RBFOX2: variants seen among roughly 807,000 people sequenced by gnomAD.
The protein encoded by RBFOX2 is RNA binding protein fox-1 homolog 2.
In RBFOX2, 10 loss-of-function variants were observed where a neutral mutation model predicts 49.1. The observed-to-expected ratio is 0.20, with a 90% CI of 0.13 to 0.35. The LOEUF (loss-of-function observed/expected upper bound fraction) is 0.35. Among genes scored for constraint, RBFOX2 ranks in the 10% least tolerant of loss-of-function variants. The pLI, the probability that RBFOX2 is intolerant of heterozygous loss-of-function variation, is 1.00. For synonymous variants in RBFOX2, 183 were observed against 187.4 expected, an observed-to-expected ratio of 0.98 and a Z score of 0.19; for missense variants, 323 against 486.9, an observed-to-expected ratio of 0.66 and a Z score of 3.17.
intron 1 of RBFOX2, among the ~76,000 whole-genome samples, chr22:36,001,057 G>A (rs1261604436): frequency 6.6e-6 from 1 of 151,996 alleles, no homozygotes; most frequent in East Asian, 1.9e-4. Flanking sequence ...AGTACTAAAG[G>A]AAAGCACAGA....
At chr22:35,935,527 A>G (rs1465682186) in intron 1 of RBFOX2, among the ~76,000 whole-genome samples, 1 of 152,234 alleles carries the variant, frequency 6.6e-6, no homozygotes, top group African/African-American at 2.4e-5. Flanking sequence ...TGTATATAAC[A>G]TGACAAAAGA....
intron 1 of RBFOX2, among the ~76,000 whole-genome samples, chr22:35,899,148 A>ATAACC (rs1248681676): frequency 5.9e-5 from 9 of 151,616 alleles, no homozygotes; most frequent in Non-Finnish European, 1.0e-4. Flanking sequence ...ATAACATAAC[A>ATAACC]TAACATAACA....
At chr22:35,924,062 A>G (rs2051334925) in intron 1 of RBFOX2, among the ~76,000 whole-genome samples, 1 of 152,220 alleles carries the variant, frequency 6.6e-6, no homozygotes, top group Non-Finnish European at 1.5e-5. Flanking sequence ...ATAGCCTTGG[A>G]CAATGACTTA....
chr22:35,838,050 TA>T (rs956499856), intron 1 of RBFOX2, among the ~76,000 whole-genome samples: 1 of 152,130 alleles, frequency 6.6e-6, no homozygotes, highest in Non-Finnish European at 1.5e-5. Context: ...TTCACTAGTT[TA>T]AAAAATAAAT....
At chr22:35,892,815 G>C (rs139746322) in intron 1 of RBFOX2, among the ~76,000 whole-genome samples, 1 of 152,104 alleles carries the variant, frequency 6.6e-6, no homozygotes, top group Non-Finnish European at 1.5e-5. Context: ...ATTATCTTAC[G>C]CATGTGGAAA....
intron 4 of RBFOX2, among the ~76,000 whole-genome samples, chr22:35,773,237 T>A (rs192442119): frequency 6.6e-6 from 1 of 152,104 alleles, no homozygotes; most frequent in Non-Finnish European, 1.5e-5. Flanking sequence ...TCCCTTTGCA[T>A]GAAATTAAAA....
intron 1 of RBFOX2, among the ~76,000 whole-genome samples, chr22:35,982,416 A>G (rs2057501952): frequency 6.6e-6 from 1 of 151,684 alleles, no homozygotes; most frequent in African/African-American, 2.4e-5. Context: ...TGCACTTACC[A>G]CATTATAGGT....
chr22:35,822,612 A>G (rs1056528224), intron 1 of RBFOX2, among the ~76,000 whole-genome samples: 26 of 152,210 alleles, frequency 1.7e-4, no homozygotes, highest in African/African-American at 6.0e-4. Flanking sequence ...GGAACTCAGT[A>G]TAAGACAGAG....
At chr22:36,022,821 G>A (rs2059296226) in intron 1 of RBFOX2, among the ~76,000 whole-genome samples, 1 of 152,164 alleles carries the variant, frequency 6.6e-6, no homozygotes, top group Non-Finnish European at 1.5e-5. Context: ...ACAAAGGAAA[G>A]GCCATGTGAA....
chr22:35,763,542 A>G (rs1939737167), intron 6 of RBFOX2, among the ~76,000 whole-genome samples: 1 of 152,242 alleles, frequency 6.6e-6, no homozygotes, highest in African/African-American at 2.4e-5. Context: ...AGCCTAGGTG[A>G]CAGAGAGACT....
chr22:35,828,246 A>C (rs529912533), intron 1 of RBFOX2, among the ~76,000 whole-genome samples: 1 of 152,132 alleles, frequency 6.6e-6, no homozygotes, highest in South Asian at 2.1e-4. Flanking sequence ...AACAGCACTC[A>C]AGACATTGTC....
chr22:35,971,034 CA>C (rs751229170), intron 1 of RBFOX2, among the ~76,000 whole-genome samples: 10 of 152,034 alleles, frequency 6.6e-5, no homozygotes, highest in Non-Finnish European at 1.5e-4. Context: ...ATCAGGAGGG[CA>C]CAAAAGAACA....
intron 1 of RBFOX2, among the ~76,000 whole-genome samples, chr22:35,816,797 A>G (rs942599741): frequency 2.6e-5 from 4 of 152,208 alleles, no homozygotes; most frequent in African/African-American, 9.6e-5. Flanking sequence ...TAAGGAGTTC[A>G]GACACACCCA....
chr22:36,006,623 C>T (rs2058628264), intron 1 of RBFOX2, among the ~76,000 whole-genome samples: 2 of 152,166 alleles, frequency 1.3e-5, no homozygotes, highest in Non-Finnish European at 2.9e-5. Flanking sequence ...CAGCAGTGTG[C>T]GGATGAACTA....
intron 9 of RBFOX2, among the ~76,000 whole-genome samples, chr22:35,752,120 G>A (rs1399631885): frequency 6.6e-6 from 1 of 152,144 alleles, no homozygotes; most frequent in Non-Finnish European, 1.5e-5. Flanking sequence ...GATTTTTAAG[G>A]CAACTTCAAA....
intron 1 of RBFOX2, among the ~76,000 whole-genome samples, chr22:36,015,303 T>C (rs1436249982): frequency 1.3e-5 from 2 of 152,224 alleles, no homozygotes; most frequent in Non-Finnish European, 2.9e-5. Context: ...ACGGACTGCT[T>C]AAGCAATAGC....
At chr22:35,891,604 T>A (rs376251516) in intron 1 of RBFOX2, among the ~76,000 whole-genome samples, 2 of 152,192 alleles carry the variant, frequency 1.3e-5, no homozygotes, top group Non-Finnish European at 2.9e-5. Context: ...ATATAGAGCA[T>A]GAATAAGAGA....
intron 1 of RBFOX2, among the ~76,000 whole-genome samples, chr22:35,894,978 TAAA>T (rs397936423): frequency 7.4e-6 from 1 of 135,612 alleles, no homozygotes; most frequent in African/African-American, 2.8e-5. Context: ...TAAAAAATCC[TAAA>T]AAAAAAAAAA....
intron 1 of RBFOX2, among the ~76,000 whole-genome samples, chr22:35,875,454 G>C (rs2149234462): frequency 1.3e-5 from 2 of 152,202 alleles, no homozygotes; most frequent in Admixed American, 1.3e-4. Context: ...CATTTCTAAA[G>C]CTTCCCTAAA....
Sources: gnomAD v4.1 joint callset for allele counts (sites outside exome capture counted in the v4.1 genomes callset) on GRCh38, gnomAD v4.1.1 for gene constraint, MANE v1.5 for transcripts, NCBI Gene and HGNC (gene_info 2026-07-23, HGNC 2026-07-21) for gene names.